LRRC7: variants seen among roughly 807,000 people sequenced by gnomAD.
LRRC7 encodes leucine-rich repeat-containing protein 7.
Under a neutral mutation model 175.7 loss-of-function variants are expected in LRRC7, and 23 were observed. That is an observed-to-expected ratio of 0.13 (90% confidence interval 0.09 to 0.19). The LOEUF (loss-of-function observed/expected upper bound fraction) is 0.19. Ranked by LOEUF, LRRC7 falls within the 10% of genes least tolerant of loss-of-function variation. The pLI, the probability that LRRC7 is intolerant of heterozygous loss-of-function variation, is 1.00. For missense variants in LRRC7, 1,354 were observed against 1,904.7 expected (o/e 0.71, Z 5.38); for synonymous variants, 685 against 680.9 (o/e 1.01, Z -0.09).
In LRRC7 at chr1:70,038,122, A is replaced by G. The variant is rs1558012250; in HGVS notation, c.2298A>G (p.Pro766=). Residue 766 remains proline, a synonymous_variant, in exon 21 of 27, where the codon CCA becomes CCG. Transcript: ENST00000651989. ...HNSLWGNRIA[P]SFPQPLDSKP... is the part of the protein sequence containing the mutation. ...CCCATTGTGTTCACAGGATTGCACC[A>G]TCTTTCCCACAGCCTCTTGATTCAA... 2 of 1,607,686 alleles carry G rather than the reference A, an allele frequency of 1.2e-6. No individual in the cohort carries two copies. The highest frequency in any genetic ancestry group is 1.7e-6 in the Non-Finnish European group (2 of 1,176,924).
At chr1:70,046,556 A>G (rs1262486494) in intron 22 of LRRC7, among the ~76,000 whole-genome samples, 1 of 152,176 alleles carries the variant, frequency 6.6e-6, no homozygotes, top group African/African-American at 2.4e-5. Flanking sequence ...AAAAAGATAC[A>G]TAAGCAGGGC....
At chr1:69,876,760 G>A (rs1416453020) in intron 7 of LRRC7, among the ~76,000 whole-genome samples, 3 of 152,096 alleles carry the variant, frequency 2.0e-5, no homozygotes, top group Non-Finnish European at 4.4e-5. Context: ...AACATTTGTT[G>A]AGGACTGACT....
Position 69,717,965 on chromosome 1 carries a change from GA to G in LRRC7, c.100+39490del, listed in dbSNP as rs776221944. On this transcript the variant is annotated intron_variant, in intron 2 of 26. Transcript: ENST00000651989. ...GAAAGAAAGAAAGAAAGAAGAAAAA[GA>G]AAGAAAGAGAAAGAAAGAGGAGGGA... Among the ~76,000 whole-genome samples, 403 of 60,050 alleles carry G rather than the reference GA, an allele frequency of 6.7e-3. 10 individuals carry two copies. Among genetic ancestry groups the G allele is most frequent in the African/African-American group, 9.3e-3 (60 of 6,464 alleles). The allele number at this position is 60,050 out of a possible 152,430, so 39.4% of individuals were successfully genotyped here.
intron 7 of LRRC7, among the ~76,000 whole-genome samples, chr1:69,872,399 T>C (rs1195374363): frequency 2.0e-5 from 3 of 152,042 alleles, no homozygotes; most frequent in Non-Finnish European, 2.9e-5. Flanking sequence ...TCATGACTTA[T>C]GATCATTTGT....
chr1:70,028,399 G>A (rs772150202), intron 18 of LRRC7, 28 bp downstream of exon 18: 7 of 1,596,550 alleles, frequency 4.4e-6, no homozygotes, highest in Non-Finnish European at 6.0e-6. Context: ...GTAATTGCCA[G>A]TGTGGTTTGG....
intron 8 of LRRC7, among the ~76,000 whole-genome samples, chr1:69,935,851 G>A (rs1032690797): frequency 6.6e-6 from 1 of 152,070 alleles, no homozygotes; most frequent in Non-Finnish European, 1.5e-5. Flanking sequence ...TTTTTTGTGG[G>A]TAGCACATTT....
At chr1:69,618,693 T>C (rs970376304) in intron 1 of LRRC7, among the ~76,000 whole-genome samples, 62 of 152,270 alleles carry the variant, frequency 4.1e-4, no homozygotes, top group African/African-American at 1.5e-3. Context: ...TGAGCTCAAC[T>C]CTTTCTGGTA....
At chr1:70,082,777 G>T (rs1663298660) in intron 24 of LRRC7, among the ~76,000 whole-genome samples, 1 of 14,810 alleles carries the variant, frequency 6.8e-5, no homozygotes, top group African/African-American at 1.1e-4. Context: ...CTTGATACCA[G>T]TACATTTTTT....
rs909737258 is a variant in LRRC7 at position 70,140,296 on chromosome 1, T to A, written c.*18409T>A. Reference sequence around the variant, plus strand: ...GAATTAGATTTTACAAAGTTCCCCTTATCCAAACTACAGCACGCTTACTAC... The same window carrying A: ...GAATTAGATTTTACAAAGTTCCCCTAATCCAAACTACAGCACGCTTACTAC... On this transcript the variant is annotated 3_prime_UTR_variant, in exon 27 of 27. Transcript: ENST00000651989. 3 of 152,168 alleles carry A rather than the reference T, an allele frequency of 2.0e-5. No homozygotes were observed. Among genetic ancestry groups the A allele is most frequent in the African/African-American group, 7.2e-5 (3 of 41,448 alleles). The allele number at this position is 152,168 out of a possible 1,614,324, so 9.4% of individuals were successfully genotyped here. A position where few individuals can be genotyped will look rare whatever the true frequency, so the allele number is the denominator to read the frequency against.
At chr1:69,641,226 C>T (rs810347) in intron 1 of LRRC7, among the ~76,000 whole-genome samples, 111,040 of 151,422 alleles carry the variant, frequency 0.73, 41,065 homozygotes, top group African/African-American at 0.82. Flanking sequence ...ATTCCACTTA[C>T]ATATTTCTCA....
At position 70,036,590 on chromosome 1, in the gene LRRC7, A is replaced by G; in HGVS notation, c.2254A>G (p.Lys752Glu). The G allele has an allele frequency of 6.2e-7, 1 of 1,614,006 alleles. No homozygotes were observed. Among genetic ancestry groups the G allele is most frequent in the East Asian group, 2.2e-5 (1 of 44,870 alleles). Residue 752 changes from lysine to glutamate, a missense_variant, in exon 20 of 27, where the codon AAA becomes GAA. By Grantham distance (56) the Lys-to-Glu change is moderately conservative. Coordinates refer to ENST00000651989, the MANE Select transcript of LRRC7 (RefSeq NM_001370785.2). ...AGTGGGGTCCTTGCAGACAACAGCTAAAGATGCAGTACATAATTCTTTGTG... is the reference window on the plus strand; with the variant it reads ...AGTGGGGTCCTTGCAGACAACAGCTGAAGATGCAGTACATAATTCTTTGTG... Reference protein sequence around the residue: ...VKVGSLQTTAKDAVHNSLWGN... With the variant: ...VKVGSLQTTAEDAVHNSLWGN...
chr1:70,025,889 T>C (rs1012689114), intron 17 of LRRC7, among the ~76,000 whole-genome samples: 1 of 151,418 alleles, frequency 6.6e-6, no homozygotes, highest in Non-Finnish European at 1.5e-5. Context: ...AATAATAGGG[T>C]CCCTCACAAG....
intron 4 of LRRC7, among the ~76,000 whole-genome samples, chr1:69,806,941 T>C (rs1677187146): frequency 6.6e-6 from 1 of 152,038 alleles, no homozygotes; most frequent in African/African-American, 2.4e-5. Flanking sequence ...TCTTACTTGC[T>C]CCAATAGCTA....
rs61128607 is a variant in LRRC7, at chr1:70,135,836, A to T, written c.*13949A>T. ...TTTGATAGCCAGTTTTGGGATATAA[A>T]TCTTCAGCCATACTTGTAGAATCGT... On this transcript the variant is annotated 3_prime_UTR_variant, in exon 27 of 27. Transcript: ENST00000651989. Among the ~76,000 whole-genome samples the T allele has an allele frequency of 0.031, 4,700 of 152,254 alleles. 158 individuals are homozygous for T. Among genetic ancestry groups the T allele is most frequent in the African/African-American group, 0.089 (3,693 of 41,532 alleles).
Position 69,884,125 on chromosome 1 carries a change from A to C in LRRC7, c.647+45842A>C, listed in dbSNP as rs894445377. Among the ~76,000 whole-genome samples, 12 of 78,816 alleles carry C rather than the reference A, an allele frequency of 1.5e-4. 4 individuals are homozygous for C. In the East Asian group the frequency reaches 2.6e-3, roughly 17 times the overall value. 51.7% of individuals were successfully genotyped at this position (78,816 alleles called of 152,430 possible). A position where few individuals can be genotyped will look rare whatever the true frequency, so the allele number is the denominator to read the frequency against. On this transcript the variant is annotated intron_variant, in intron 7 of 26. Coordinates refer to ENST00000651989, the MANE Select transcript of LRRC7 (RefSeq NM_001370785.2). ...TCTTTTTTGGTTCCATATGAACTTT[A>C]AAGTAGTTTTTTCCAATTCTGTGAA... is the stretch of plus-strand genomic sequence containing the variant.
intron 7 of LRRC7, among the ~76,000 whole-genome samples, chr1:69,861,240 T>G (rs536014711): frequency 6.6e-6 from 1 of 152,302 alleles, no homozygotes; most frequent in East Asian, 1.9e-4. Context: ...ATTTGTAAAT[T>G]TTTGCATTCT....
chr1:69,648,431 C>T (rs1655311351), intron 1 of LRRC7, among the ~76,000 whole-genome samples: 3 of 152,020 alleles, frequency 2.0e-5, no homozygotes, highest in South Asian at 4.2e-4. Context: ...CAATTATTGT[C>T]CTTCTTCTGC....
At chr1:70,039,819 A>G (rs750716827) in intron 21 of LRRC7, 26 bp downstream of exon 21, 1 of 1,543,292 alleles carries the variant, frequency 6.5e-7, no homozygotes, top group Non-Finnish European at 8.7e-7. Context: ...CTCTGTAAGA[A>G]TATCCCTCCT....
intron 25 of LRRC7, among the ~76,000 whole-genome samples, chr1:70,097,937 T>A (rs1472684635): frequency 6.7e-6 from 1 of 150,194 alleles, no homozygotes; most frequent in Non-Finnish European, 1.5e-5. Flanking sequence ...TGCATGTGTC[T>A]TTATAGCAGC....
Sources: gnomAD v4.1 joint callset for allele counts (sites outside exome capture counted in the v4.1 genomes callset) on GRCh38, gnomAD v4.1.1 for gene constraint, MANE v1.5 for transcripts, NCBI Gene and HGNC (gene_info 2026-07-23, HGNC 2026-07-21) for gene names.